The following RYR3 variants were observed in gnomAD, a reference collection of about 807,000 sequenced individuals.
RYR3 encodes the protein brain ryanodine receptor-calcium release channel.
RYR3 carries 207 observed loss-of-function variants against 584.3 expected under a neutral mutation model. That is an observed-to-expected ratio of 0.35 (90% CI 0.32 to 0.40). RYR3 has a LOEUF of 0.40. RYR3 is among the 10% of genes least tolerant of loss of function. The pLI, the probability that RYR3 is intolerant of heterozygous loss-of-function variation, is 1.00. For missense variants in RYR3, 5,616 were observed against 6,089.2 expected, an observed-to-expected ratio of 0.92 and a Z score of 2.59; for synonymous variants, 2,416 against 2,248.5, an observed-to-expected ratio of 1.07 and a Z score of -2.11.
intron 38 of RYR3, among the ~76,000 whole-genome samples, chr15:33,675,443 C>T (rs149315056): frequency 1.3e-5 from 2 of 152,192 alleles, no homozygotes; most frequent in Non-Finnish European, 2.9e-5. Context: ...CATCCTGCCC[C>T]CTATAGGCAA....
rs2076743233 is a variant in RYR3 at position 33,815,057 on chromosome 15, G to A, written c.10502+1478G>A. 3.5e-5 allele frequency among the ~76,000 whole-genome samples: 5 copies of A among 141,996 alleles called. No individual in the cohort carries two copies. In the South Asian group the frequency reaches 8.9e-4, roughly 25 times the overall value. 93.2% of individuals were successfully genotyped at this position (141,996 alleles called of 152,430 possible). ...TGCACTCCAGCCTGGGTGACAGAAC[G>A]AGACTCTGTCTCAAAAAAAAAAAAA... is the stretch of plus-strand genomic sequence containing the variant. On this transcript the variant is annotated intron_variant, in intron 74 of 103. Coordinates refer to ENST00000634891, the MANE Select transcript of RYR3 (RefSeq NM_001036.6).
chr15:33,548,742 C>CT (rs1344265653), intron 9 of RYR3, among the ~76,000 whole-genome samples: 2 of 152,198 alleles, frequency 1.3e-5, no homozygotes, highest in Non-Finnish European at 2.9e-5. Context: ...CAGCCACAAG[C>CT]TTTGAATAAC....
At chr15:33,630,947 G>A (rs192544284) in intron 22 of RYR3, among the ~76,000 whole-genome samples, 1 of 152,280 alleles carries the variant, frequency 6.6e-6, no homozygotes, top group African/African-American at 2.4e-5. Flanking sequence ...TAAATAGATT[G>A]TTATTGTAAC....
At chr15:33,819,559 A>G (rs1192100224) in intron 76 of RYR3, among the ~76,000 whole-genome samples, 197 bp from the exon 77 acceptor site, 2 of 152,052 alleles carry the variant, frequency 1.3e-5, no homozygotes, top group Non-Finnish European at 2.9e-5. Flanking sequence ...CTGTAATCCC[A>G]GCTACTGGGG....
chr15:33,472,277 G>A (rs952354478), intron 1 of RYR3, among the ~76,000 whole-genome samples: 9 of 152,174 alleles, frequency 5.9e-5, no homozygotes, highest in Non-Finnish European at 1.3e-4. Flanking sequence ...TCTGTTAATC[G>A]TGAATTGCTT....
chr15:33,557,594 G>A (rs1216370946), intron 10 of RYR3, among the ~76,000 whole-genome samples: 4 of 152,006 alleles, frequency 2.6e-5, no homozygotes, highest in South Asian at 2.1e-4. Flanking sequence ...CATGTTGGCC[G>A]GGATGGTCTT....
At chr15:33,859,524 A>G (rs2080110515) in intron 99 of RYR3, 51 bp from the exon 100 acceptor site, 3 of 1,602,000 alleles carry the variant, frequency 1.9e-6, no homozygotes, top group Non-Finnish European at 1.7e-6. Flanking sequence ...GCATCTTGCT[A>G]AAAACAGAAC....
Position 33,865,360 on chromosome 15 carries a change from ATCTGTGCTATT to A in RYR3, c.*136_*146del, listed in dbSNP as rs1393034751. On this transcript the variant is annotated 3_prime_UTR_variant, in exon 104 of 104. Transcript: ENST00000634891. Reference sequence around the variant, plus strand: ...TCCCTTAAAAAAAAAACTGCTGAAAATCTGTGCTATTTTGAAATTGATTTGGCTTTTTGTGC... The same window carrying A: ...TCCCTTAAAAAAAAAACTGCTGAAAATTGAAATTGATTTGGCTTTTTGTGC... The A allele has an allele frequency of 3.1e-6, 2 of 654,070 alleles. No homozygotes were observed. The highest frequency in any genetic ancestry group is 3.7e-5 in the African/African-American group (2 of 54,582). The allele number at this position is 654,070 out of a possible 1,614,324, so 40.5% of individuals were successfully genotyped here. A position where few individuals can be genotyped will look rare whatever the true frequency, so the allele number is the denominator to read the frequency against.
intron 5 of RYR3, among the ~76,000 whole-genome samples, chr15:33,534,984 A>C (rs531876162): frequency 5.4e-4 from 82 of 152,364 alleles, no homozygotes; most frequent in African/African-American, 1.9e-3. Flanking sequence ...AGAATTTACT[A>C]GAAGGATGTT....
intron 1 of RYR3, among the ~76,000 whole-genome samples, chr15:33,462,005 G>A (rs1460127885): frequency 3.9e-5 from 6 of 152,086 alleles, no homozygotes; most frequent in African/African-American, 1.4e-4. Flanking sequence ...AAAAAAAACC[G>A]TAGTTTTATG....
rs549787165 is a variant in RYR3 at position 33,817,865 on chromosome 15, A to G, written c.10600-713A>G. Among the ~76,000 whole-genome samples, 199 of 152,268 alleles carry G rather than the reference A, an allele frequency of 1.3e-3. 3 individuals carry two copies. Among genetic ancestry groups the G allele is most frequent in the Admixed American group, 1.2e-3 (18 of 15,294 alleles). ...CATACAACCCATGTAGTTCTCACCA[A>G]TTTACCAAATACGGTCCACCCTGCT... On this transcript the variant is annotated intron_variant, in intron 75 of 103. Coordinates refer to ENST00000634891, the MANE Select transcript of RYR3 (RefSeq NM_001036.6).
Position 33,563,010 on chromosome 15 carries a change from G to A in RYR3, c.1146G>A (p.Lys382=), listed in dbSNP as rs199960256. The A allele has an allele frequency of 2.3e-4, 373 of 1,606,722 alleles. 2 individuals are homozygous for A. Among genetic ancestry groups the A allele is most frequent in the Non-Finnish European group, 4.0e-5 (47 of 1,176,186 alleles). ...CCCGCCTGGGACCTCTAAAAAGAAA[G>A]GTGAGAGTCAGAATATCTGTCTACA... The part of the protein sequence containing the change: ...KTSRLGPLKR[K]VILHQEGHMD... Residue 382 remains lysine, a splice_region_variant and synonymous_variant, in exon 11 of 104, where the codon AAG becomes AAA. Coordinates refer to ENST00000634891, the MANE Select transcript of RYR3 (RefSeq NM_001036.6).
chr15:33,738,056 A>G (rs2069677604), intron 49 of RYR3, among the ~76,000 whole-genome samples: 2 of 152,132 alleles, frequency 1.3e-5, no homozygotes, highest in Non-Finnish European at 2.9e-5. Flanking sequence ...GCATCCCCCA[A>G]AGATCTTCCA....
intron 3 of RYR3, among the ~76,000 whole-genome samples, chr15:33,526,495 A>G (rs1447338457): frequency 6.6e-6 from 1 of 152,170 alleles, no homozygotes; most frequent in Non-Finnish European, 1.5e-5. Context: ...ACAATCTTCT[A>G]TGTAGCATAT....
At chr15:33,719,772 G>A (rs1416722444) in intron 43 of RYR3, among the ~76,000 whole-genome samples, 2 of 152,142 alleles carry the variant, frequency 1.3e-5, no homozygotes, top group East Asian at 1.9e-4. Flanking sequence ...GGTATAAATG[G>A]TAGGTTCAAC....
At chr15:33,358,083 A>C (rs16970007) in intron 1 of RYR3, among the ~76,000 whole-genome samples, 12,040 of 152,292 alleles carry the variant, frequency 0.079, 785 homozygotes, top group African/African-American at 0.18. Context: ...CTGGTAGAGT[A>C]GAGTCATGGG....
intron 57 of RYR3, among the ~76,000 whole-genome samples, chr15:33,754,241 C>T (rs963098008): frequency 6.6e-6 from 1 of 152,178 alleles, no homozygotes; most frequent in African/African-American, 2.4e-5. Context: ...GACTCACCAC[C>T]ATGGTCAATT....
chr15:33,805,320 T>C (rs536241233), intron 69 of RYR3, among the ~76,000 whole-genome samples: 1 of 152,122 alleles, frequency 6.6e-6, no homozygotes, highest in Non-Finnish European at 1.5e-5. Context: ...CTCCACCCCA[T>C]GAAGTGTGAT....
intron 19 of RYR3, among the ~76,000 whole-genome samples, chr15:33,622,887 T>C (rs17817440): frequency 0.15 from 23,560 of 152,240 alleles, 2,308 homozygotes; most frequent in Admixed American, 0.23. Context: ...ACTTTCACCT[T>C]CTTTTTGCAT....
Sources: gnomAD v4.1 joint callset for allele counts (sites outside exome capture counted in the v4.1 genomes callset) on GRCh38, gnomAD v4.1.1 for gene constraint, MANE v1.5 for transcripts, NCBI Gene and HGNC (gene_info 2026-07-23, HGNC 2026-07-21) for gene names.